The following HBP1 variants were observed in gnomAD, a reference collection of about 807,000 sequenced individuals.
The protein encoded by HBP1 is HMG box-containing protein 1.
A neutral mutation model predicts 62.6 loss-of-function variants in HBP1; 20 were observed. The observed-to-expected ratio is 0.32, with a 90% CI of 0.22 to 0.46. HBP1 has a LOEUF of 0.46. Among genes scored for constraint, HBP1 ranks in the 20% least tolerant of loss-of-function variants. HBP1 has a pLI of 1.00. For missense variants in HBP1, 480 were observed against 611.8 expected (o/e 0.78, Z 2.27); for synonymous variants, 232 against 206.2 (o/e 1.12, Z -1.07).
chr7:107,200,446 C>A, intron 10 of HBP1, 145 bp downstream of exon 10: 1 of 525,374 alleles, frequency 1.9e-6, no homozygotes, highest in Non-Finnish European at 3.2e-6. Context: ...ATAATGTTAT[C>A]ACATCATCAT....
intron 1 of HBP1, chr7:107,169,951 A>G: frequency 1.0e-6 from 1 of 985,536 alleles, no homozygotes; most frequent in Admixed American, 6.1e-5. Context: ...CTATGCTGCC[A>G]CCGCAGGCCG....
Position 107,171,651 on chromosome 7 carries a change from G to C in HBP1, c.-16+2466G>C, listed in dbSNP as rs185924839. ...GGCTGAGGCGGGTGGATCACCTGAGGTCAGGGGTTCAAGACCAGCCTCGCC... is the reference window on the plus strand; with the variant it reads ...GGCTGAGGCGGGTGGATCACCTGAGCTCAGGGGTTCAAGACCAGCCTCGCC... On this transcript the variant is annotated intron_variant, in intron 1 of 10. Transcript: ENST00000222574. 1.3e-3 allele frequency among the ~76,000 whole-genome samples: 197 copies of C among 152,058 alleles called. 4 individuals are homozygous for C. In the East Asian group the frequency reaches 0.026, roughly 20 times the overall value.
intron 6 of HBP1, among the ~76,000 whole-genome samples, chr7:107,188,471 C>T (rs986703311): frequency 1.2e-4 from 19 of 152,116 alleles, no homozygotes; most frequent in African/African-American, 3.6e-4. Context: ...CTTGTTCATG[C>T]GTTAGCGTAA....
intron 1 of HBP1, among the ~76,000 whole-genome samples, chr7:107,177,447 A>G (rs1796905544): frequency 2.0e-5 from 3 of 152,392 alleles, no homozygotes; most frequent in South Asian, 4.1e-4. Context: ...TTAGACATAC[A>G]GTAAGGCAAT....
Position 107,169,047 on chromosome 7 carries a change from T to C in HBP1, c.-154T>C. 7.8e-7 allele frequency: 1 copy of C among 1,287,640 alleles called. No homozygotes were observed. Among genetic ancestry groups the C allele is most frequent in the Non-Finnish European group, 1.0e-6 (1 of 987,954 alleles). The allele number at this position is 1,287,640 out of a possible 1,614,324, so 79.8% of individuals were successfully genotyped here. A position where few individuals can be genotyped will look rare whatever the true frequency, so the allele number is the denominator to read the frequency against. On this transcript the variant is annotated 5_prime_UTR_variant, in exon 1 of 11. Coordinates refer to ENST00000222574, the MANE Select transcript of HBP1 (RefSeq NM_012257.4). Reference sequence around the variant, plus strand: ...GGTTTGGTAAGTAGGAAAGTTTCGGTTGAGGAGTAAGAGCTGCCGCGGGAG... The same window carrying C: ...GGTTTGGTAAGTAGGAAAGTTTCGGCTGAGGAGTAAGAGCTGCCGCGGGAG...
chr7:107,193,712 A>G (rs752640156), intron 8 of HBP1, among the ~76,000 whole-genome samples: 2 of 146,934 alleles, frequency 1.4e-5, no homozygotes, highest in African/African-American at 2.4e-5. Flanking sequence ...AAGGAAATGG[A>G]TTAGTAAATG....
chr7:107,179,738 C>T (rs1404464328), intron 1 of HBP1, 141 bp from the exon 2 acceptor site: 1 of 498,674 alleles, frequency 2.0e-6, no homozygotes, highest in Non-Finnish European at 3.6e-6. Context: ...CGCCACTGCA[C>T]TGCAGTCTGG....
chr7:107,180,142 C>G, intron 2 of HBP1, 80 bp downstream of exon 2: 1 of 782,114 alleles, frequency 1.3e-6, no homozygotes, highest in Non-Finnish European at 2.1e-6. Context: ...CTCCACCAAC[C>G]TTGACTGGCT....
chr7:107,190,105 T>TA, intron 7 of HBP1, 68 bp from the exon 8 acceptor site: 1 of 1,105,546 alleles, frequency 9.0e-7, no homozygotes, highest in African/African-American at 1.6e-5. Context: ...ATAGAAATGA[T>TA]ATGTCTGTTC....
At chr7:107,201,222 A>ATGTCT in intron 10 of HBP1, 192 bp from the exon 11 acceptor site, 1 of 438,128 alleles carries the variant, frequency 2.3e-6, no homozygotes, top group Non-Finnish European at 4.1e-6. Context: ...ATCCTAGTCA[A>ATGTCT]TGTCTTATCA....
At chr7:107,186,824 A>G (rs1391603672) in intron 6 of HBP1, 143 bp downstream of exon 6, 1 of 618,108 alleles carries the variant, frequency 1.6e-6, no homozygotes, top group Non-Finnish European at 2.9e-6. Context: ...ATGACCACTC[A>G]TTGCTTAGTC....
Position 107,186,423 on chromosome 7 carries a change from G to C in HBP1, c.603G>C (p.Leu201Phe). Reference sequence around the variant, plus strand: ...CCTCCCTGTCAGATGATGATGATTTGGGATGGTGCAATTCCTGGCCTTCAA... The same window carrying C: ...CCTCCCTGTCAGATGATGATGATTTCGGATGGTGCAATTCCTGGCCTTCAA... ...CMSSLSDDDD[L>F]GWCNSWPSTV... The change falls in exon 5 of 11, where the codon TTG becomes TTC. Residue 201 changes from leucine (L) to phenylalanine (F), a missense_variant. By Grantham distance (22) the Leu-to-Phe change is conservative (BLOSUM62 0). Around this residue, in one of 4 missense-constraint regions of HBP1, gnomAD observed 304 missense variants for 330.9 expected, o/e 0.92. Coordinates refer to ENST00000222574, the MANE Select transcript of HBP1 (RefSeq NM_012257.4). The C allele has an allele frequency of 1.9e-6, 3 of 1,613,432 alleles. No individual in the cohort carries two copies. The highest frequency in any genetic ancestry group is 2.5e-6 in the Non-Finnish European group (3 of 1,179,470).
intron 1 of HBP1, among the ~76,000 whole-genome samples, chr7:107,171,056 T>TAA (rs1796546489): frequency 4.7e-5 from 3 of 63,172 alleles, no homozygotes; most frequent in Non-Finnish European, 5.2e-5. Context: ...AATATATATA[T>TAA]ATATATATAT....
rs1797532176 is a variant in HBP1, at chr7:107,189,239, A to C, written c.766-53A>C. On this transcript the variant is annotated intron_variant, in intron 6 of 10. Transcript: ENST00000222574. ...GTCTTACATGTAATGGGAACTTCAC[A>C]GTGTTTTGAATTGAACATTTCCAAT... The C allele has an allele frequency of 2.1e-6, 3 of 1,450,312 alleles. No individual in the cohort carries two copies. The Admixed American group carries it at 5.4e-5, about 26-fold the overall frequency. 89.8% of individuals were successfully genotyped at this position (1,450,312 alleles called of 1,614,324 possible).
intron 1 of HBP1, chr7:107,169,856 A>T (rs761453971): frequency 1.0e-5 from 10 of 984,866 alleles, no homozygotes; most frequent in Non-Finnish European, 1.2e-5. Context: ...AGGGTGGGGG[A>T]TGGACTTGGC....
chr7:107,184,392 A>G (rs1244676851), intron 3 of HBP1, among the ~76,000 whole-genome samples: 1 of 152,270 alleles, frequency 6.6e-6, no homozygotes. Context: ...ATCCTTATGT[A>G]AAAGTAATTT....
chr7:107,184,316 A>G (rs1584487446), intron 3 of HBP1, among the ~76,000 whole-genome samples: 1 of 152,306 alleles, frequency 6.6e-6, no homozygotes, highest in East Asian at 1.9e-4. Context: ...ATTGGAGAGT[A>G]TGCTACAATG....
At chr7:107,189,117 G>A (rs1328749685) in intron 6 of HBP1, among the ~76,000 whole-genome samples, 175 bp from the exon 7 acceptor site, 1 of 152,088 alleles carries the variant, frequency 6.6e-6, no homozygotes, top group Non-Finnish European at 1.5e-5. Flanking sequence ...GCTTATTCCA[G>A]TCTAGTTATT....
chr7:107,186,046 G>T, intron 4 of HBP1, 104 bp downstream of exon 4: 1 of 846,450 alleles, frequency 1.2e-6, no homozygotes, highest in Non-Finnish European at 1.9e-6. Context: ...TAGTGATCTG[G>T]ATTTGATTTT....
Sources: gnomAD v4.1 joint callset for allele counts (sites outside exome capture counted in the v4.1 genomes callset) on GRCh38, gnomAD v4.1.1 for gene constraint, gnomAD v4.1.1 regional missense constraint, MANE v1.5 for transcripts, NCBI Gene and HGNC (gene_info 2026-07-23, HGNC 2026-07-21) for gene names.